CYP19A1: variants seen among roughly 807,000 people sequenced by gnomAD.
The protein encoded by CYP19A1 is aromatase.
In CYP19A1, 32 loss-of-function variants were observed where a neutral mutation model predicts 44.4. The observed-to-expected ratio is 0.72, with a 90% CI of 0.54 to 0.97. The LOEUF (loss-of-function observed/expected upper bound fraction) is 0.97, where lower values mean the gene tolerates loss of function less well. Ranked by LOEUF, CYP19A1 falls within the 50% of genes least tolerant of loss-of-function variation. CYP19A1 has a pLI of 0.00. For missense variants in CYP19A1, 598 were observed against 637.8 expected (o/e 0.94, Z 0.67); for synonymous variants, 212 against 215.6 (o/e 0.98, Z 0.14).
chr15:51,312,785 A>T (rs2141013630), intron 1 of CYP19A1: 1 of 152,414 alleles, frequency 6.6e-6, no homozygotes, highest in South Asian at 2.1e-4. Context: ...CTGGTGTTAG[A>T]CGCAGCAAGT....
intron 6 of CYP19A1, among the ~76,000 whole-genome samples, chr15:51,216,535 G>A (rs1317288717): frequency 1.3e-5 from 2 of 152,184 alleles, no homozygotes; most frequent in Admixed American, 6.5e-5. Context: ...TTGCAGGCAT[G>A]AGCCATTGCA....
At chr15:51,225,006 C>A (rs746986813) in intron 4 of CYP19A1, among the ~76,000 whole-genome samples, 1 of 152,188 alleles carries the variant, frequency 6.6e-6, no homozygotes, top group Non-Finnish European at 1.5e-5. Context: ...AGCATCCATT[C>A]CTCTGAAAAG....
intron 1 of CYP19A1, among the ~76,000 whole-genome samples, chr15:51,334,380 G>A (rs1015402788): frequency 2.0e-5 from 3 of 152,212 alleles, no homozygotes; most frequent in Admixed American, 6.5e-5. Context: ...CCCGTTCACA[G>A]GCTTATTATG....
chr15:51,265,727 C>T (rs773358987), intron 1 of CYP19A1, among the ~76,000 whole-genome samples: 9 of 152,182 alleles, frequency 5.9e-5, no homozygotes, highest in Non-Finnish European at 1.0e-4. Context: ...TCAGATCTGG[C>T]TCTAGAGGAA....
At chr15:51,297,867 CA>C (rs1296748133) in intron 1 of CYP19A1, among the ~76,000 whole-genome samples, 15 of 151,404 alleles carry the variant, frequency 9.9e-5, no homozygotes, top group Admixed American at 3.3e-4. Context: ...CACACACACA[CA>C]CCCTAGGCCT....
intron 6 of CYP19A1, 38 bp from the exon 7 acceptor site, chr15:51,215,855 G>A (rs1317128398): frequency 6.2e-7 from 1 of 1,611,086 alleles, no homozygotes; most frequent in Non-Finnish European, 8.5e-7. Context: ...TTTTTACTCA[G>A]TTTAGACATC....
chr15:51,337,462 C>A (rs769878926), intron 1 of CYP19A1, among the ~76,000 whole-genome samples: 3 of 152,228 alleles, frequency 2.0e-5, no homozygotes, highest in Admixed American at 6.5e-5. Flanking sequence ...GATACAATTA[C>A]AGTCTCTTTA....
chr15:51,278,595 A>G (rs1411387973), intron 1 of CYP19A1, among the ~76,000 whole-genome samples: 1 of 152,236 alleles, frequency 6.6e-6, no homozygotes, highest in Non-Finnish European at 1.5e-5. Flanking sequence ...ACTGCTTAGG[A>G]AAATGTATGT....
intron 1 of CYP19A1, among the ~76,000 whole-genome samples, chr15:51,278,589 CT>C (rs1415011641): frequency 6.6e-6 from 1 of 152,224 alleles, no homozygotes; most frequent in African/African-American, 2.4e-5. Flanking sequence ...AAATGCACTG[CT>C]TAGGAAAATG....
intron 1 of CYP19A1, among the ~76,000 whole-genome samples, chr15:51,294,231 C>T (rs1283806283): frequency 7.9e-6 from 1 of 126,952 alleles, no homozygotes. Flanking sequence ...AAGTGACGAG[C>T]GCCTCTTCCC....
chr15:51,255,754 T>G (rs1679990454), intron 1 of CYP19A1: 2 of 152,226 alleles, frequency 1.3e-5, no homozygotes, highest in Admixed American at 1.3e-4. Flanking sequence ...AGGGAGCTTT[T>G]CCACATGCTA....
intron 1 of CYP19A1, among the ~76,000 whole-genome samples, chr15:51,268,528 C>CG (rs1352968785): frequency 7.8e-6 from 1 of 128,608 alleles, no homozygotes; most frequent in Non-Finnish European, 1.7e-5. Flanking sequence ...TTCCCCCCCC[C>CG]CCTTTTTTTT....
chr15:51,281,827 T>G (rs958828742), intron 1 of CYP19A1, among the ~76,000 whole-genome samples: 1 of 152,246 alleles, frequency 6.6e-6, no homozygotes, highest in African/African-American at 2.4e-5. Flanking sequence ...AAGTTATGAC[T>G]GAAAACTGAC....
At chr15:51,307,437 T>C (rs1296811664) in intron 1 of CYP19A1, among the ~76,000 whole-genome samples, 1 of 152,156 alleles carries the variant, frequency 6.6e-6, no homozygotes, top group Non-Finnish European at 1.5e-5. Context: ...AGAATATAAT[T>C]TTAGTGTGCT....
At chr15:51,277,960 T>TTTG (rs1177373511) in intron 1 of CYP19A1, 1 of 148,518 alleles carries the variant, frequency 6.7e-6, no homozygotes, top group Non-Finnish European at 1.5e-5. Context: ...ATGAGTTTTT[T>TTTG]TTTTTTTTTT....
intron 1 of CYP19A1, among the ~76,000 whole-genome samples, chr15:51,246,535 C>T (rs28698447): frequency 0.02 from 3,109 of 151,942 alleles, 142 homozygotes; most frequent in African/African-American, 0.072. Flanking sequence ...CGTAAGAAAA[C>T]GCGAGTCCTA....
chr15:51,236,634 C>T lies in CYP19A1; in HGVS notation c.296+225G>A, dbSNP rs367632164. 7.2e-5 allele frequency among the ~76,000 whole-genome samples: 11 copies of T among 152,304 alleles called. No homozygotes were observed. In the South Asian group the frequency reaches 2.3e-3, roughly 32 times the overall value. On this transcript the variant is annotated intron_variant, in intron 3 of 9. Transcript: ENST00000396402. ...TGCTCACAGAGATTGTAAATAATTT[C>T]CCAACTTTCCAGAGTTAGTTATTTA...
chr15:51,336,909 C>CTGACT (rs5812552), intron 1 of CYP19A1, among the ~76,000 whole-genome samples: 74 of 37,618 alleles, frequency 2.0e-3, no homozygotes, highest in African/African-American at 7.5e-3. Flanking sequence ...AGATTGATAG[C>CTGACT]TTTTTTTTTT....
At chr15:51,281,739 TGGGCAAGTGGGA>T (rs2035526014) in intron 1 of CYP19A1, among the ~76,000 whole-genome samples, 1 of 151,760 alleles carries the variant, frequency 6.6e-6, no homozygotes, top group African/African-American at 2.4e-5. Flanking sequence ...AATGATGCCC[TGGGCAAGTGGGA>T]TGTGGCTAAG....
Sources: gnomAD v4.1 joint callset for allele counts (sites outside exome capture counted in the v4.1 genomes callset) on GRCh38, gnomAD v4.1.1 for gene constraint, MANE v1.5 for transcripts, NCBI Gene and HGNC (gene_info 2026-07-23, HGNC 2026-07-21) for gene names.